Variants in FURIN observed in about 807,000 individuals in gnomAD.
FURIN encodes the protein furin, paired basic amino acid cleaving enzyme.
In FURIN, 18 loss-of-function variants were observed where a neutral mutation model predicts 89.2. The observed-to-expected ratio is 0.20, with a 90% CI of 0.14 to 0.30. FURIN has a LOEUF of 0.30. Among genes scored for constraint, FURIN ranks in the 10% least tolerant of loss-of-function variants. FURIN has a pLI of 1.00. For missense variants in FURIN, 879 were observed against 1,100.5 expected (o/e 0.80, Z 2.85); for synonymous variants, 508 against 466.4 (o/e 1.09, Z -1.15).
chr15:90,880,256 C>T lies in FURIN; in HGVS notation c.1539C>T (p.Ser513=). The stretch of plus-strand genomic sequence containing the variant: ...TGGTCAGCCCCATGGGCACCCGCTC[C>T]ACCCTGCTGGCAGCCAGGTGCTTGC... ...IHLVSPMGTR[S]TLLAARPHDY... is the part of the protein sequence containing the mutation. The change falls in exon 13 of 16, where the codon TCC becomes TCT. Residue 513 remains serine, a synonymous_variant. Coordinates refer to ENST00000268171, the MANE Select transcript of FURIN (RefSeq NM_002569.4). The T allele has an allele frequency of 1.2e-6, 2 of 1,606,522 alleles. No homozygotes were observed. The highest frequency in any genetic ancestry group is 1.7e-6 in the Non-Finnish European group (2 of 1,175,970).
chr15:90,877,712 C>T, intron 7 of FURIN, 97 bp downstream of exon 7: 1 of 804,588 alleles, frequency 1.2e-6, no homozygotes, highest in East Asian at 2.7e-5. Context: ...CACTTTCCCA[C>T]TGTGGATCCT....
At chr15:90,872,451 G>C (rs947387784) in intron 1 of FURIN, among the ~76,000 whole-genome samples, 8 of 152,152 alleles carry the variant, frequency 5.3e-5, no homozygotes, top group Non-Finnish European at 1.0e-4. Context: ...AGTGCGAGGA[G>C]AACCCGGGTG....
chr15:90,869,776 T>G (rs374218954), intron 1 of FURIN, among the ~76,000 whole-genome samples: 1 of 152,238 alleles, frequency 6.6e-6, no homozygotes, highest in Non-Finnish European at 1.5e-5. Context: ...GTGGGGCACC[T>G]GAAGCAGCAA....
chr15:90,869,908 G>C (rs1050197968), intron 1 of FURIN, among the ~76,000 whole-genome samples: 1 of 152,236 alleles, frequency 6.6e-6, no homozygotes, highest in Admixed American at 6.5e-5. Context: ...AGGAAGAAGC[G>C]TGAGTCACTT....
Position 90,881,335 on chromosome 15 carries a change from C to T in FURIN, c.1842C>T (p.Cys614=). 6.2e-7 allele frequency: 1 copy of T among 1,612,746 alleles called. No individual in the cohort carries two copies. The highest frequency in any genetic ancestry group is 8.5e-7 in the Non-Finnish European group (1 of 1,179,626). The change falls in exon 16 of 16, where the codon TGC becomes TGT. Residue 614 remains cysteine (C), a synonymous_variant. Transcript: ENST00000268171. This position sits in a 1 kb window ranked among gnomAD's most constrained non-coding sequence, Gnocchi z 4.3. The stretch of plus-strand genomic sequence containing the variant: ...ACCAGAAGAGCTGTGTCCAGCACTG[C>T]CCTCCAGGGTTCGCCCCCCAAGTCC... The part of the protein sequence containing the change: ...SLHQKSCVQH[C]PPGFAPQVLD...
In FURIN at chr15:90,881,522, C is replaced by A. The variant is rs761541008; in HGVS notation, c.2029C>A (p.Arg677=). 2 of 1,611,552 alleles carry A rather than the reference C, an allele frequency of 1.2e-6. No individual in the cohort carries two copies. Among genetic ancestry groups the A allele is most frequent in the Non-Finnish European group, 1.7e-6 (2 of 1,179,620 alleles). The part of the protein sequence containing the change: ...SLDPVEQTCS[R]QSQSSRESPP... ...GGACCCTGTGGAGCAGACTTGCTCC[C>A]GGCAAAGCCAGAGCAGCCGAGAGTC... Residue 677 remains arginine, a synonymous_variant, in exon 16 of 16, where the codon CGG becomes AGG. Coordinates refer to ENST00000268171, the MANE Select transcript of FURIN (RefSeq NM_002569.4). This position sits in a 1 kb window ranked among gnomAD's most constrained non-coding sequence, Gnocchi z 4.3.
rs146037147 is a variant in FURIN at position 90,879,886 on chromosome 15, C to T, written c.1278C>T (p.Tyr426=). The change falls in exon 12 of 16, where the codon TAC becomes TAT. Residue 426 remains tyrosine, a synonymous_variant. Transcript: ENST00000268171. ...CCACAGTGAGCCACTCATATGGCTA[C>T]GGGCTTTTGGACGCAGGCGCCATGG... ...VGRKVSHSYG[Y]GLLDAGAMVA... 3.5e-5 allele frequency: 56 copies of T among 1,613,424 alleles called. No individual in the cohort carries two copies. Among genetic ancestry groups the T allele is most frequent in the Admixed American group, 8.3e-5 (5 of 60,014 alleles).
In FURIN at chr15:90,879,531, A is replaced by T; in HGVS notation, c.1141A>T (p.Thr381Ser). 6.2e-7 allele frequency: 1 copy of T among 1,611,450 alleles called. No homozygotes were observed. Among genetic ancestry groups the T allele is most frequent in the Non-Finnish European group, 8.5e-7 (1 of 1,177,960 alleles). Residue 381 changes from threonine to serine, a missense_variant, in exon 10 of 16, where the codon ACC (threonine) becomes TCC (serine). By Grantham distance (58) the Thr-to-Ser change is moderately conservative. Around this residue, in one of 5 missense-constraint regions of FURIN, gnomAD observed 156 missense variants for 243.7 expected, o/e 0.64. Transcript: ENST00000268171. ...CTTAGCAGCCGGCATCATTGCTCTC[A>T]CCCTGGAGGCCAAGTAAGTGGGTGG... ...APLAAGIIALTLEANKNLTWR... is the reference protein window; with the variant it reads ...APLAAGIIALSLEANKNLTWR...
Position 90,881,136 on chromosome 15 carries a change from G to C in FURIN, c.1792+96G>C. ...CAGCTCTAACAGAAAAAAGTCTCAAGAGACCTAGGGCCCCTGGGGCTCTTG... is the reference window on the plus strand; with the variant it reads ...CAGCTCTAACAGAAAAAAGTCTCAACAGACCTAGGGCCCCTGGGGCTCTTG... On this transcript the variant is annotated intron_variant, in intron 15 of 15. Transcript: ENST00000268171. The surrounding 1 kb of genome is among the most constrained non-coding windows in gnomAD (Gnocchi z 4.3). The C allele has an allele frequency of 8.8e-7, 1 of 1,139,420 alleles. No homozygotes were observed. The highest frequency in any genetic ancestry group is 1.9e-5 in the Admixed American group (1 of 52,588). 70.6% of individuals were successfully genotyped at this position (1,139,420 alleles called of 1,614,324 possible).
In FURIN at chr15:90,881,630, C is replaced by T; in HGVS notation, c.2137C>T (p.Leu713=). The T allele has an allele frequency of 6.3e-7, 1 of 1,592,432 alleles. No individual in the cohort carries two copies. Among genetic ancestry groups the T allele is most frequent in the Non-Finnish European group, 8.6e-7 (1 of 1,166,660 alleles). ...RLRAGLLPSH[L]PEVVAGLSCA... is the part of the protein sequence containing the mutation. ...GCGGGCAGGGCTGCTGCCCTCACAC[C>T]TGCCTGAGGTGGTGGCCGGCCTCAG... Residue 713 remains leucine, a synonymous_variant, in exon 16 of 16, where the codon CTG becomes TTG. Coordinates refer to ENST00000268171, the MANE Select transcript of FURIN (RefSeq NM_002569.4). The surrounding 1 kb of genome is among the most constrained non-coding windows in gnomAD (Gnocchi z 4.3).
At chr15:90,870,878 T>C (rs987978991) in intron 1 of FURIN, among the ~76,000 whole-genome samples, 1 of 152,160 alleles carries the variant, frequency 6.6e-6, no homozygotes, top group Non-Finnish European at 1.5e-5. Flanking sequence ...GAAAGGATTA[T>C]GTGGATTAAA....
Position 90,882,134 on chromosome 15 carries a change from TGCCCCG to T in FURIN, c.*268_*273del, listed in dbSNP as rs374349317. Reference sequence around the variant, plus strand: ...AAGGAGTGAAACCTTTAGGGCAGCTTGCCCCGGCCCCGGCCCCAGCCAGAGTTCCTG... The same window carrying T: ...AAGGAGTGAAACCTTTAGGGCAGCTTGCCCCGGCCCCAGCCAGAGTTCCTG... On this transcript the variant is annotated 3_prime_UTR_variant, in exon 16 of 16. Transcript: ENST00000268171. The T allele has an allele frequency of 1.5e-5, 7 of 463,806 alleles. No individual in the cohort carries two copies. The highest frequency in any genetic ancestry group is 1.2e-4 in the East Asian group (3 of 24,074). The allele number at this position is 463,806 out of a possible 1,614,324, so 28.7% of individuals were successfully genotyped here.
rs2031639426 is a variant in FURIN, at chr15:90,876,536, G to A, written c.351G>A (p.Lys117=). ...TGTACCAGGAGCCCACAGACCCCAA[G>A]TTTCCTCAGCAGTGGTACCTGGTAC... ...RDVYQEPTDP[K]FPQQWYLSGV... is the part of the protein sequence containing the mutation. The change falls in exon 4 of 16, where the codon AAG becomes AAA. Residue 117 remains lysine (K), a synonymous_variant. Transcript: ENST00000268171. This position sits in a 1 kb window ranked among gnomAD's most constrained non-coding sequence, Gnocchi z 5.0. 1.2e-6 allele frequency: 2 copies of A among 1,613,234 alleles called. No individual in the cohort carries two copies. Among genetic ancestry groups the A allele is most frequent in the Admixed American group, 1.7e-5 (1 of 60,010 alleles).
At chr15:90,880,652 C>T (rs772006920) in intron 13 of FURIN, 39 bp from the exon 14 acceptor site, 1 of 1,580,368 alleles carries the variant, frequency 6.3e-7, no homozygotes. Context: ...GCTTGGGGTC[C>T]CGCAGAGGCC....
chr15:90,878,744 C>T lies in FURIN; in HGVS notation c.841-20C>T. 2 of 1,487,308 alleles carry T rather than the reference C, an allele frequency of 1.3e-6. No homozygotes were observed. The highest frequency in any genetic ancestry group is 1.4e-5 in the African/African-American group (1 of 72,734). The allele number at this position is 1,487,308 out of a possible 1,614,324, so 92.1% of individuals were successfully genotyped here. A position where few individuals can be genotyped will look rare whatever the true frequency, so the allele number is the denominator to read the frequency against. On this transcript the variant is annotated intron_variant, in intron 8 of 15. Coordinates refer to ENST00000268171, the MANE Select transcript of FURIN (RefSeq NM_002569.4). ...CCTCAAGTCCCAATCTTGAATGACC[C>T]CAGCCCACTCTGTCCACAGGGCCGA...
chr15:90,881,570 C>T lies in FURIN; in HGVS notation c.2077C>T (p.Arg693Trp), dbSNP rs754366900. Residue 693 changes from arginine (R) to tryptophan (W), a missense_variant, in exon 16 of 16, where the codon CGG becomes TGG. Coordinates refer to ENST00000268171, the MANE Select transcript of FURIN (RefSeq NM_002569.4). This position sits in a 1 kb window ranked among gnomAD's most constrained non-coding sequence, Gnocchi z 4.3. ...RESPPQQQPP[R>W]LPPEVEAGQR... Reference sequence around the variant, plus strand: ...GTCCCCGCCACAGCAGCAGCCACCTCGGCTGCCCCCGGAGGTGGAGGCGGG... The same window carrying T: ...GTCCCCGCCACAGCAGCAGCCACCTTGGCTGCCCCCGGAGGTGGAGGCGGG... 5.3e-5 allele frequency: 85 copies of T among 1,611,466 alleles called. 1 individual carries two copies. The Admixed American group carries it at 1.2e-3, about 22-fold the overall frequency.
In FURIN at chr15:90,882,364, C is replaced by T. The variant is rs550617215; in HGVS notation, c.*486C>T. On this transcript the variant is annotated 3_prime_UTR_variant, in exon 16 of 16. Transcript: ENST00000268171. ...GTCCCCCAGCTCTGGTGAGTCTTGGCGGCAGCAGCCATCATAGGAAGGGAC... is the reference window on the plus strand; with the variant it reads ...GTCCCCCAGCTCTGGTGAGTCTTGGTGGCAGCAGCCATCATAGGAAGGGAC... 3.6e-5 allele frequency: 6 copies of T among 165,238 alleles called. No individual in the cohort carries two copies. The highest frequency in any genetic ancestry group is 3.8e-4 in the East Asian group (2 of 5,318). 10.2% of individuals were successfully genotyped at this position (165,238 alleles called of 1,614,324 possible).
Position 90,878,988 on chromosome 15 carries a change from C to A in FURIN, c.1053+12C>A. On this transcript the variant is annotated intron_variant, in intron 9 of 15. Transcript: ENST00000268171. The stretch of plus-strand genomic sequence containing the variant: ...ATGAGAAGCAGATCGTGAGTCTTAC[C>A]TGGGGGTGGGGGCTGGGGAGATGGG... 7.5e-7 allele frequency: 1 copy of A among 1,332,566 alleles called. No homozygotes were observed. Among genetic ancestry groups the A allele is most frequent in the Non-Finnish European group, 1.1e-6 (1 of 947,560 alleles). 82.5% of individuals were successfully genotyped at this position (1,332,566 alleles called of 1,614,324 possible).
chr15:90,871,090 A>C (rs2031262200), intron 1 of FURIN, among the ~76,000 whole-genome samples: 1 of 152,210 alleles, frequency 6.6e-6, no homozygotes, highest in African/African-American at 2.4e-5. Context: ...GCCGCCGTGC[A>C]GTCCTCCCTC....
Sources: allele counts gnomAD v4.1 joint callset (sites outside exome capture counted in the v4.1 genomes callset), GRCh38; gene constraint gnomAD v4.1.1; regional missense constraint gnomAD v4.1.1; non-coding constraint Gnocchi (gnomAD v3.1); transcripts MANE v1.5; gene names NCBI Gene and HGNC (gene_info 2026-07-23, HGNC 2026-07-21).